The following VPS41 variants were observed in gnomAD, a reference collection of about 807,000 sequenced individuals.
VPS41 encodes the protein vacuolar protein sorting-associated protein 41 homolog.
VPS41 carries 85 observed loss-of-function variants against 130.9 expected under a neutral mutation model. The observed-to-expected ratio is 0.65, with a 90% CI of 0.55 to 0.78. VPS41 has a LOEUF of 0.78. Ranked by LOEUF, VPS41 falls within the 30% of genes least tolerant of loss-of-function variation. The pLI, the probability that VPS41 is intolerant of heterozygous loss-of-function variation, is 0.00. For synonymous variants in VPS41, 335 were observed against 332.9 expected, an observed-to-expected ratio of 1.01 and a Z score of -0.07; for missense variants, 874 against 1,018.7, an observed-to-expected ratio of 0.86 and a Z score of 1.93.
At chr7:38,805,360 C>T (rs1296097207) in intron 7 of VPS41, among the ~76,000 whole-genome samples, 3 of 152,054 alleles carry the variant, frequency 2.0e-5, no homozygotes, top group East Asian at 1.9e-4. Context: ...TGGTGAAGCT[C>T]CGTCTCTACT....
At chr7:38,902,392 T>C (rs1303888705) in intron 1 of VPS41, among the ~76,000 whole-genome samples, 1 of 152,190 alleles carries the variant, frequency 6.6e-6, no homozygotes, top group Non-Finnish European at 1.5e-5. Flanking sequence ...ATTGCTTATA[T>C]CTCTGTGCCA....
At chr7:38,783,012 G>C (rs1315289656) in intron 10 of VPS41, among the ~76,000 whole-genome samples, 2 of 152,094 alleles carry the variant, frequency 1.3e-5, no homozygotes, top group Non-Finnish European at 2.9e-5. Flanking sequence ...CAGCTACTTG[G>C]GAGGCTGAGG....
At chr7:38,851,137 C>A (rs1050120697) in intron 4 of VPS41, among the ~76,000 whole-genome samples, 1 of 152,152 alleles carries the variant, frequency 6.6e-6, no homozygotes, top group Admixed American at 6.5e-5. Flanking sequence ...GGTTCCTGGG[C>A]AACTTAAAGC....
intron 17 of VPS41, among the ~76,000 whole-genome samples, chr7:38,758,865 C>T (rs1483677323): frequency 6.6e-6 from 1 of 152,174 alleles, no homozygotes; most frequent in Non-Finnish European, 1.5e-5. Context: ...AAAGGAGTGG[C>T]TTTGGAGGGC....
chr7:38,784,375 C>A (rs1171966127), intron 10 of VPS41, among the ~76,000 whole-genome samples: 1 of 152,136 alleles, frequency 6.6e-6, no homozygotes, highest in Non-Finnish European at 1.5e-5. Flanking sequence ...TGGTGGCTCA[C>A]GCCTGTAATC....
chr7:38,817,525 G>A (rs1785077432), intron 7 of VPS41, among the ~76,000 whole-genome samples: 1 of 152,180 alleles, frequency 6.6e-6, no homozygotes, highest in African/African-American at 2.4e-5. Flanking sequence ...GGCTGATGCA[G>A]GAGAACCACT....
chr7:38,821,057 T>A, intron 6 of VPS41, 146 bp downstream of exon 6: 1 of 627,378 alleles, frequency 1.6e-6, no homozygotes, highest in Non-Finnish European at 2.8e-6. Context: ...TTTCACAGCA[T>A]CTAAATAGTA....
At chr7:38,777,777 A>T (rs1017036560) in intron 10 of VPS41, among the ~76,000 whole-genome samples, 1 of 152,268 alleles carries the variant, frequency 6.6e-6, no homozygotes, top group Non-Finnish European at 1.5e-5. Context: ...GGGGACCTCA[A>T]TGTATCATAC....
chr7:38,867,371 C>G (rs895339061), intron 3 of VPS41, among the ~76,000 whole-genome samples: 2 of 151,492 alleles, frequency 1.3e-5, no homozygotes, highest in African/African-American at 4.9e-5. Flanking sequence ...TAGGTGAAAC[C>G]CTGTCTCTAC....
Position 38,743,507 on chromosome 7 carries a change from T to C in VPS41, c.2017A>G (p.Ile673Val). ...TCAACATCATGTAATTCCTCCATAA[T>C]CATCTTCAGGGCACTTCGGCTATTA... ...MGNSRSALKM[I>V]MEELHDVDKA... The change falls in exon 24 of 29, where the codon ATT becomes GTT. Residue 673 changes from isoleucine (I) to valine (V), a missense_variant. Coordinates refer to ENST00000310301, the MANE Select transcript of VPS41 (RefSeq NM_014396.4). 1 of 1,613,942 alleles carries C rather than the reference T, an allele frequency of 6.2e-7. No homozygotes were observed. The highest frequency in any genetic ancestry group is 8.5e-7 in the Non-Finnish European group (1 of 1,179,870).
At chr7:38,887,104 A>G (rs1435186308) in intron 2 of VPS41, among the ~76,000 whole-genome samples, 1 of 152,168 alleles carries the variant, frequency 6.6e-6, no homozygotes, top group African/African-American at 2.4e-5. Flanking sequence ...AATTCTAAAA[A>G]CCAAAACACC....
At chr7:38,898,870 A>G (rs1037938289) in intron 1 of VPS41, among the ~76,000 whole-genome samples, 1 of 152,250 alleles carries the variant, frequency 6.6e-6, no homozygotes, top group African/African-American at 2.4e-5. Context: ...ACTTATAGAT[A>G]TCAATAGCAA....
chr7:38,905,122 T>C (rs1787229086), intron 1 of VPS41, among the ~76,000 whole-genome samples: 5 of 152,108 alleles, frequency 3.3e-5, no homozygotes, highest in Admixed American at 3.3e-4. Context: ...AATAAATTCA[T>C]TTAAACACTT....
chr7:38,759,331 T>C (rs1363105302), intron 17 of VPS41, among the ~76,000 whole-genome samples: 1 of 152,188 alleles, frequency 6.6e-6, no homozygotes, highest in Non-Finnish European at 1.5e-5. Flanking sequence ...AAAACCCAGA[T>C]ATTTGGTCAC....
intron 12 of VPS41, 146 bp downstream of exon 12, chr7:38,773,969 G>T: frequency 4.1e-6 from 3 of 728,398 alleles, no homozygotes; most frequent in Non-Finnish European, 6.2e-6. Flanking sequence ...GCATCCAAAT[G>T]TCCTTGTTTT....
chr7:38,839,889 T>C (rs1461317940), intron 4 of VPS41, among the ~76,000 whole-genome samples: 2 of 152,202 alleles, frequency 1.3e-5, no homozygotes, highest in Non-Finnish European at 2.9e-5. Context: ...TGGAGAACTT[T>C]CATGAAGCTC....
intron 2 of VPS41, among the ~76,000 whole-genome samples, chr7:38,887,025 C>A (rs1339588010): frequency 6.6e-6 from 1 of 152,170 alleles, no homozygotes; most frequent in African/African-American, 2.4e-5. Context: ...ATACATAGGT[C>A]ACCAACATCA....
At chr7:38,878,625 C>G (rs1786538945) in intron 2 of VPS41, among the ~76,000 whole-genome samples, 1 of 152,056 alleles carries the variant, frequency 6.6e-6, no homozygotes, top group Non-Finnish European at 1.5e-5. Context: ...AACACAAAGA[C>G]TGAGTATTAG....
At chr7:38,902,962 T>C (rs1030525979) in intron 1 of VPS41, among the ~76,000 whole-genome samples, 3 of 152,232 alleles carry the variant, frequency 2.0e-5, no homozygotes, top group Non-Finnish European at 4.4e-5. Flanking sequence ...CTTCTTTGTC[T>C]CCCAGTATCC....
Sources: allele counts gnomAD v4.1 joint callset (sites outside exome capture counted in the v4.1 genomes callset), GRCh38; gene constraint gnomAD v4.1.1; transcripts MANE v1.5; gene names NCBI Gene and HGNC (gene_info 2026-07-23, HGNC 2026-07-21).